DGCR8: variants seen among roughly 807,000 people sequenced by gnomAD.
The protein encoded by DGCR8 is DGCR8 microprocessor complex subunit.
DGCR8 carries 14 observed loss-of-function variants against 78.5 expected under a neutral mutation model. The observed-to-expected ratio is 0.18, with a 90% CI of 0.12 to 0.28. The LOEUF (loss-of-function observed/expected upper bound fraction) is 0.28, where lower values mean the gene tolerates loss of function less well. DGCR8 is among the 10% of genes least tolerant of loss of function. DGCR8 has a pLI of 1.00. For synonymous variants in DGCR8, 399 were observed against 402.4 expected (o/e 0.99, Z 0.10); for missense variants, 702 against 1,022.5 (o/e 0.69, Z 4.28).
chr22:20,109,684 C>G (rs2049812124), intron 13 of DGCR8, among the ~76,000 whole-genome samples: 1 of 152,192 alleles, frequency 6.6e-6, no homozygotes, highest in Non-Finnish European at 1.5e-5. Flanking sequence ...CTGGCTGGGC[C>G]TGGGGCAAGC....
chr22:20,091,957 T>G lies in DGCR8; in HGVS notation c.1593T>G (p.Asn531Lys). The change falls in exon 7 of 14, where the codon AAT becomes AAG. Residue 531 changes from asparagine to lysine, a missense_variant. This residue lies in a region of DGCR8 where 225 missense variants were observed against 427.7 expected (regional missense o/e 0.53). Transcript: ENST00000351989. ...TCCTCAAGGTCCGCCCTGTCTATAA[T>G]TTCTTTGAATGTGGTAAGTCTAACC... Reference protein sequence around the residue: ...QRVLKVRPVYNFFECENPSEP... With the variant: ...QRVLKVRPVYKFFECENPSEP... 1.2e-6 allele frequency: 2 copies of G among 1,613,718 alleles called. No homozygotes were observed. The highest frequency in any genetic ancestry group is 1.7e-6 in the Non-Finnish European group (2 of 1,179,746).
chr22:20,098,102 G>A (rs1476924531), intron 9 of DGCR8, among the ~76,000 whole-genome samples: 4 of 149,414 alleles, frequency 2.7e-5, no homozygotes, highest in Non-Finnish European at 5.9e-5. Context: ...GCTCCAGCCT[G>A]GTGACAGAGC....
At chr22:20,109,617 C>T (rs2049811284) in intron 13 of DGCR8, among the ~76,000 whole-genome samples, 2 of 152,180 alleles carry the variant, frequency 1.3e-5, no homozygotes, top group Admixed American at 1.3e-4. Flanking sequence ...CTGGTTTGCC[C>T]CTGGTCGGAA....
At chr22:20,098,153 A>G (rs2049652682) in intron 9 of DGCR8, among the ~76,000 whole-genome samples, 1 of 150,760 alleles carries the variant, frequency 6.6e-6, no homozygotes, top group Non-Finnish European at 1.5e-5. Flanking sequence ...AAAAGAAAAA[A>G]AATATATATA....
At chr22:20,102,211 A>G (rs1602493282) in intron 9 of DGCR8, 9 of 361,620 alleles carry the variant, frequency 2.5e-5, no homozygotes, top group Non-Finnish European at 3.1e-5. Flanking sequence ...ATTTCTGTAC[A>G]TTCCAACATT....
intron 1 of DGCR8, among the ~76,000 whole-genome samples, chr22:20,082,812 T>G (rs142717973): frequency 6.6e-6 from 1 of 152,364 alleles, no homozygotes; most frequent in African/African-American, 2.4e-5. Context: ...TAATGCTATG[T>G]GAGACCTGGG....
Position 20,086,064 on chromosome 22 carries a change from A to G in DGCR8, c.101A>G (p.Gln34Arg). Reference sequence around the variant, plus strand: ...CCCTTCCAAGCGCTGCCCCGTGAGCAGTCTCCACCACCTCCCCTGCAAACG... The same window carrying G: ...CCCTTCCAAGCGCTGCCCCGTGAGCGGTCTCCACCACCTCCCCTGCAAACG... ...ARPFQALPRE[Q>R]SPPPPLQTSS... Residue 34 changes from glutamine (Q) to arginine (R), a missense_variant, in exon 2 of 14, where the codon CAG becomes CGG. Gln to Arg is a conservative substitution (Grantham distance 43). Coordinates refer to ENST00000351989, the MANE Select transcript of DGCR8 (RefSeq NM_022720.7). This position sits in a 1 kb window ranked among gnomAD's most constrained non-coding sequence, Gnocchi z 6.4. The G allele has an allele frequency of 1.9e-6, 3 of 1,614,082 alleles. No homozygotes were observed. The highest frequency in any genetic ancestry group is 2.5e-6 in the Non-Finnish European group (3 of 1,180,040).
At chr22:20,092,696 C>A in intron 7 of DGCR8, 113 bp from the exon 8 acceptor site, 1 of 866,552 alleles carries the variant, frequency 1.2e-6, no homozygotes, top group Non-Finnish European at 1.8e-6. Flanking sequence ...CACAGGCCCA[C>A]TCTCTGCAGG....
intron 9 of DGCR8, among the ~76,000 whole-genome samples, chr22:20,102,736 TG>T (rs759819793): frequency 6.6e-6 from 1 of 152,364 alleles, no homozygotes; most frequent in East Asian, 1.9e-4. Context: ...GTCTTGATAC[TG>T]GGAGTCCTCC....
chr22:20,080,878 A>T (rs1353482807), intron 1 of DGCR8, among the ~76,000 whole-genome samples: 2 of 152,250 alleles, frequency 1.3e-5, no homozygotes, highest in Admixed American at 6.5e-5. Flanking sequence ...GTTGACAGTG[A>T]TGCCTGTCTG....
chr22:20,094,049 G>T (rs1055245293), intron 8 of DGCR8, among the ~76,000 whole-genome samples: 12 of 152,206 alleles, frequency 7.9e-5, no homozygotes, highest in Non-Finnish European at 1.0e-4. Context: ...TGGGGGTGGA[G>T]ATGCCTTGGG....
At chr22:20,107,121 C>T in intron 11 of DGCR8, 150 bp from the exon 12 acceptor site, 1 of 807,796 alleles carries the variant, frequency 1.2e-6, no homozygotes, top group Non-Finnish European at 2.1e-6. Context: ...ACTCAGGTGC[C>T]CAGAGCAGTG....
At chr22:20,108,824 C>T (rs2049801152) in intron 12 of DGCR8, 66 bp from the exon 13 acceptor site, 3 of 966,256 alleles carry the variant, frequency 3.1e-6, no homozygotes. Flanking sequence ...CACACAGCTG[C>T]TGGGCAGCGG....
intron 9 of DGCR8, among the ~76,000 whole-genome samples, chr22:20,098,020 G>A (rs1158457591): frequency 2.0e-5 from 3 of 150,782 alleles, no homozygotes; most frequent in Non-Finnish European, 3.0e-5. Context: ...GCAGCTACCC[G>A]GGAGGCTGAG....
chr22:20,101,346 G>A (rs1002991308), intron 9 of DGCR8: 25 of 926,980 alleles, frequency 2.7e-5, no homozygotes, highest in Non-Finnish European at 3.2e-5. Flanking sequence ...GGAGGCCGAG[G>A]CGGGCAGATT....
chr22:20,107,364 T>C lies in DGCR8; in HGVS notation c.2090T>C (p.Met697Thr). ...HVKNWGSLLR[M>T]YGRESSKMVK... Reference sequence around the variant, plus strand: ...AAGAACTGGGGGTCTTTACTGCGCATGTATGGCCGTGAGAGCAGCAAGATG... The same window carrying C: ...AAGAACTGGGGGTCTTTACTGCGCACGTATGGCCGTGAGAGCAGCAAGATG... The change falls in exon 12 of 14, where the codon ATG becomes ACG. Residue 697 changes from methionine (M) to threonine (T), a missense_variant. Physicochemically the swap from Met to Thr is moderately conservative, Grantham distance 81. Around this residue, in one of 4 missense-constraint regions of DGCR8, gnomAD observed 225 missense variants for 427.7 expected, o/e 0.53. Coordinates refer to ENST00000351989, the MANE Select transcript of DGCR8 (RefSeq NM_022720.7). 1 of 1,614,122 alleles carries C rather than the reference T, an allele frequency of 6.2e-7. No homozygotes were observed. The highest frequency in any genetic ancestry group is 8.5e-7 in the Non-Finnish European group (1 of 1,180,004).
intron 9 of DGCR8, among the ~76,000 whole-genome samples, chr22:20,096,093 C>T (rs942377534): frequency 3.9e-5 from 6 of 152,112 alleles, no homozygotes; most frequent in Non-Finnish European, 8.8e-5. Context: ...CTATGCAGCC[C>T]GGTTCCTAAC....
chr22:20,108,754 C>T, intron 12 of DGCR8, 136 bp from the exon 13 acceptor site: 1 of 664,510 alleles, frequency 1.5e-6, no homozygotes, highest in Non-Finnish European at 2.8e-6. Flanking sequence ...TATGTTGCCA[C>T]AGCTCCTGGC....
At chr22:20,093,865 T>G (rs770652350) in intron 8 of DGCR8, among the ~76,000 whole-genome samples, 6 of 152,208 alleles carry the variant, frequency 3.9e-5, no homozygotes, top group South Asian at 2.1e-4. Flanking sequence ...TAGGGTGGTG[T>G]TGGGTGTACC....
Sources: gnomAD v4.1 joint callset for allele counts (sites outside exome capture counted in the v4.1 genomes callset) on GRCh38, gnomAD v4.1.1 for gene constraint, gnomAD v4.1.1 regional missense constraint, Gnocchi (gnomAD v3.1) non-coding constraint, MANE v1.5 for transcripts, NCBI Gene and HGNC (gene_info 2026-07-23, HGNC 2026-07-21) for gene names.